FOCAD: variants seen among roughly 807,000 people sequenced by gnomAD.
The protein encoded by FOCAD is focadhesin.
A neutral mutation model predicts 225.6 loss-of-function variants in FOCAD; 198 were observed. The ratio of observed to expected loss-of-function variants is 0.88; its 90% confidence interval spans 0.78 to 0.99. FOCAD has a LOEUF of 0.99. Ranked by LOEUF, FOCAD falls within the 50% of genes least tolerant of loss-of-function variation. The probability of loss-of-function intolerance (pLI) is 0.00; values close to 1 mark genes in which losing one functional copy is unlikely to be tolerated. For synonymous variants in FOCAD, 897 were observed against 755.0 expected, an observed-to-expected ratio of 1.19 and a Z score of -3.08; for missense variants, 2,713 against 2,123.6, an observed-to-expected ratio of 1.28 and a Z score of -5.46.
intron 4 of FOCAD, among the ~76,000 whole-genome samples, chr9:20,735,199 G>T (rs1401146473): frequency 6.6e-6 from 1 of 152,046 alleles, no homozygotes; most frequent in Non-Finnish European, 1.5e-5. Flanking sequence ...TTGTGGGCAT[G>T]TATGCTGTAA....
intron 28 of FOCAD, among the ~76,000 whole-genome samples, chr9:20,938,244 G>T (rs1587667519): frequency 6.6e-6 from 1 of 152,290 alleles, no homozygotes; most frequent in African/African-American, 2.4e-5. Flanking sequence ...ATACCCAAAG[G>T]TTTATAAATC....
At chr9:20,884,046 T>A (rs1830898519) in intron 20 of FOCAD, among the ~76,000 whole-genome samples, 1 of 152,198 alleles carries the variant, frequency 6.6e-6, no homozygotes, top group Non-Finnish European at 1.5e-5. Context: ...GCTTGTCCAC[T>A]TTTGAGTATA....
intron 11 of FOCAD, among the ~76,000 whole-genome samples, chr9:20,814,095 T>G (rs1220829452): frequency 6.6e-6 from 1 of 152,124 alleles, no homozygotes; most frequent in African/African-American, 2.4e-5. Flanking sequence ...CTAAAGTGAG[T>G]CTTTTGTAGA....
chr9:20,767,061 G>C (rs886863341), intron 7 of FOCAD, among the ~76,000 whole-genome samples: 31 of 151,418 alleles, frequency 2.0e-4, no homozygotes, highest in Admixed American at 6.6e-4. Context: ...ACCTATGAGT[G>C]AGAATATGTG....
At chr9:20,756,704 A>T (rs554817477) in intron 5 of FOCAD, among the ~76,000 whole-genome samples, 65 of 152,290 alleles carry the variant, frequency 4.3e-4, no homozygotes, top group African/African-American at 1.5e-3. Flanking sequence ...TGCATTTCTA[A>T]CAAGTTCCCA....
chr9:20,784,162 A>G (rs1041412231), intron 10 of FOCAD, among the ~76,000 whole-genome samples: 2 of 152,150 alleles, frequency 1.3e-5, no homozygotes, highest in African/African-American at 2.4e-5. Flanking sequence ...ACAGGAAACC[A>G]CTTGTCGTGT....
intron 11 of FOCAD, among the ~76,000 whole-genome samples, chr9:20,800,009 T>G (rs1821614864): frequency 1.3e-5 from 2 of 152,182 alleles, no homozygotes; most frequent in African/African-American, 4.8e-5. Context: ...TCATGTTTAG[T>G]GCTTCCTTTA....
intron 21 of FOCAD, among the ~76,000 whole-genome samples, chr9:20,905,933 A>ATT (rs35095102): frequency 0.084 from 12,460 of 148,064 alleles, 979 homozygotes; most frequent in African/African-American, 0.21. Context: ...ACTGTTTGAG[A>ATT]TTTTTTTTTT....
chr9:20,790,760 A>G (rs1409809499), intron 11 of FOCAD, among the ~76,000 whole-genome samples: 1 of 152,166 alleles, frequency 6.6e-6, no homozygotes, highest in Non-Finnish European at 1.5e-5. Context: ...CTCTGTCTCA[A>G]AAGCAAAAAA....
chr9:20,792,184 C>T (rs985792689), intron 11 of FOCAD, among the ~76,000 whole-genome samples: 1 of 152,136 alleles, frequency 6.6e-6, no homozygotes, highest in Non-Finnish European at 1.5e-5. Context: ...AATGTGTTTT[C>T]CTCCTATGTT....
intron 28 of FOCAD, among the ~76,000 whole-genome samples, chr9:20,934,528 T>G (rs557398496): frequency 0.014 from 2,151 of 152,136 alleles, 53 homozygotes; most frequent in African/African-American, 0.049. Context: ...TTTTTTTCTT[T>G]GATTTGTTGA....
intron 35 of FOCAD, among the ~76,000 whole-genome samples, chr9:20,960,768 T>C (rs1388526598): frequency 7.3e-6 from 1 of 137,456 alleles, no homozygotes; most frequent in Non-Finnish European, 1.6e-5. Context: ...CGGTGTGTGA[T>C]GTTCCCCTTC....
At chr9:20,659,949 C>T (rs1238290717) in intron 2 of FOCAD, among the ~76,000 whole-genome samples, 1 of 152,160 alleles carries the variant, frequency 6.6e-6, no homozygotes, top group Admixed American at 6.5e-5. Flanking sequence ...GATAAGTTGG[C>T]AACATTTTCC....
At chr9:20,662,475 G>A (rs1050482244) in intron 2 of FOCAD, among the ~76,000 whole-genome samples, 5 of 152,158 alleles carry the variant, frequency 3.3e-5, no homozygotes, top group Non-Finnish European at 5.9e-5. Context: ...CAACTCCGAA[G>A]GGCAATATTA....
chr9:20,770,144 A>G lies in FOCAD; in HGVS notation c.812A>G (p.Gln271Arg), dbSNP rs1417250893. 3.1e-6 allele frequency: 5 copies of G among 1,613,992 alleles called. No homozygotes were observed. Among genetic ancestry groups the G allele is most frequent in the Non-Finnish European group, 4.2e-6 (5 of 1,180,008 alleles). Reference sequence around the variant, plus strand: ...ATTCAGCTTACCCAGATGAGTCTTCAGCTGCTGTGTGTCAGTGAAGTCAGC... The same window carrying G: ...ATTCAGCTTACCCAGATGAGTCTTCGGCTGCTGTGTGTCAGTGAAGTCAGC... ...WKIQLTQMSL[Q>R]LLCVSEVSLK... The change falls in exon 8 of 44, where the codon CAG (glutamine) becomes CGG (arginine). Residue 271 changes from glutamine (Q) to arginine (R), a missense_variant. Gln to Arg is a conservative substitution (Grantham distance 43, BLOSUM62 1). Transcript: ENST00000338382.
In FOCAD at chr9:20,929,431, T is replaced by C. The variant is rs761549754; in HGVS notation, c.3152T>C (p.Val1051Ala). The C allele has an allele frequency of 1.2e-6, 2 of 1,614,168 alleles. No homozygotes were observed. The highest frequency in any genetic ancestry group is 1.1e-5 in the South Asian group (1 of 91,082). Residue 1051 changes from valine (V) to alanine (A), a missense_variant, in exon 27 of 44, where the codon GTG (valine) becomes GCG (alanine). Physicochemically the swap from Val to Ala is moderately conservative, Grantham distance 64 (BLOSUM62 0). Coordinates refer to ENST00000338382, the MANE Select transcript of FOCAD (RefSeq NM_001375567.1). ...GCCGCCACGGCTTTGTCTCTCCTTG[T>C]GCCAGTTTTCATTATCTCTTGCAAA... ...SAAATALSLL[V>A]PVFIISCKEK...
At chr9:20,730,833 C>G (rs1397695802) in intron 4 of FOCAD, among the ~76,000 whole-genome samples, 1 of 152,060 alleles carries the variant, frequency 6.6e-6, no homozygotes, top group African/African-American at 2.4e-5. Context: ...CTGAATATTT[C>G]TCTCTTACTT....
intron 19 of FOCAD, chr9:20,875,086 T>G: frequency 2.9e-6 from 1 of 349,516 alleles, no homozygotes; most frequent in South Asian, 3.5e-5. Context: ...GCTAAATGTA[T>G]TCCACAAGAT....
intron 35 of FOCAD, among the ~76,000 whole-genome samples, chr9:20,972,091 A>C (rs1257171586): frequency 6.6e-6 from 1 of 151,994 alleles, no homozygotes. Context: ...TCTTGCTTTC[A>C]ATTTCTTTGG....
Sources: allele counts gnomAD v4.1 joint callset (sites outside exome capture counted in the v4.1 genomes callset), GRCh38; gene constraint gnomAD v4.1.1; transcripts MANE v1.5; gene names NCBI Gene and HGNC (gene_info 2026-07-23, HGNC 2026-07-21).